Variants in PIEZO1 observed in about 807,000 individuals in gnomAD.
PIEZO1 encodes piezo type mechanosensitive ion channel component 1 (Er blood group).
In PIEZO1, 296 loss-of-function variants were observed where a neutral mutation model predicts 297.2. The observed-to-expected ratio is 1.00, with a 90% confidence interval of 0.91 to 1.10. The LOEUF (loss-of-function observed/expected upper bound fraction) is 1.10, where lower values mean the gene tolerates loss of function less well. Among genes scored for constraint, PIEZO1 ranks in the 50% least tolerant of loss-of-function variants. The probability of loss-of-function intolerance (pLI) is 0.00; values close to 1 mark genes in which losing one functional copy is unlikely to be tolerated. For synonymous variants in PIEZO1, 2,427 were observed against 1,507.5 expected (o/e 1.61, Z -14.13); for missense variants, 5,018 against 3,455.5 (o/e 1.45, Z -11.34).
At chr16:88,736,806 C>T (rs1597460440) in intron 10 of PIEZO1, 67 bp from the exon 11 acceptor site, 1 of 1,038,586 alleles carries the variant, frequency 9.6e-7, no homozygotes, top group African/African-American at 1.6e-5. Flanking sequence ...TGACTATGCC[C>T]TAAAATCTGG....
At chr16:88,784,819 C>A in intron 1 of PIEZO1, 82 bp downstream of exon 1, 1 of 1,034,762 alleles carries the variant, frequency 9.7e-7, no homozygotes, top group Non-Finnish European at 1.3e-6. Context: ...CTCGCCCCGG[C>A]CGGCGTCGTC....
rs778818035 is a variant in PIEZO1 at position 88,733,684 on chromosome 16, G to C, written c.2391C>G (p.Asp797Glu). Residue 797 changes from aspartate to glutamate, a missense_variant, in exon 18 of 51, where the codon GAC becomes GAG. Transcript: ENST00000301015. ...RLLELAAGFS[D>E]VLSRVQVFLR... ...GGAACACCTGCACGCGTGAGAGGAC[G>C]TCCGAGAAGCCGGCTGCCAGCTCCA... 6.5e-7 allele frequency: 1 copy of C among 1,549,130 alleles called. No individual in the cohort carries two copies. Among genetic ancestry groups the C allele is most frequent in the Non-Finnish European group, 8.7e-7 (1 of 1,146,422 alleles).
At position 88,715,960 on chromosome 16, in the gene PIEZO1, G is replaced by A. The variant is rs869025601; in HGVS notation, c.7289C>T (p.Pro2430Leu). ...GTAGCCAGCCAGGAAGCCGAGGCTC[G>A]GTGGGCTGACCTTGTCACTGAAAAT... The part of the protein sequence containing the change: ...MVIFSDKVSP[P>L]SLGFLAGYGI... Residue 2430 changes from proline to leucine, a missense_variant, in exon 50 of 51, where the codon CCG (proline) becomes CTG (leucine). By Grantham distance (98) the Pro-to-Leu change is moderately conservative (BLOSUM62 -3). Transcript: ENST00000301015. The A allele has an allele frequency of 5.8e-6, 9 of 1,549,732 alleles. No individual in the cohort carries two copies. Among genetic ancestry groups the A allele is most frequent in the South Asian group, 2.4e-5 (2 of 84,042 alleles).
intron 1 of PIEZO1, among the ~76,000 whole-genome samples, chr16:88,752,836 G>A (rs545218548): frequency 2.0e-5 from 3 of 152,206 alleles, no homozygotes; most frequent in African/African-American, 7.2e-5. Flanking sequence ...GCCCTGGGGT[G>A]ATCAGCAACA....
intron 22 of PIEZO1, among the ~76,000 whole-genome samples, chr16:88,729,768 G>A (rs1904677527): frequency 7.0e-6 from 1 of 143,724 alleles, no homozygotes; most frequent in South Asian, 2.4e-4. Flanking sequence ...CCTCGATGCT[G>A]GGGAACCCAG....
chr16:88,717,388 A>G, intron 44 of PIEZO1, 177 bp from the exon 45 acceptor site: 3 of 659,282 alleles, frequency 4.6e-6, no homozygotes, highest in Non-Finnish European at 8.2e-6. Flanking sequence ...GTCCAGTTGG[A>G]ACCCTCATGT....
At chr16:88,760,026 A>G (rs1597479207) in intron 1 of PIEZO1, among the ~76,000 whole-genome samples, 1 of 152,130 alleles carries the variant, frequency 6.6e-6, no homozygotes, top group African/African-American at 2.4e-5. Flanking sequence ...CTCCGCGCCA[A>G]TCCCCACCTG....
chr16:88,758,968 C>G (rs1906799740), intron 1 of PIEZO1, among the ~76,000 whole-genome samples: 1 of 152,132 alleles, frequency 6.6e-6, no homozygotes, highest in Non-Finnish European at 1.5e-5. Context: ...GACAAAAAGG[C>G]TGAGGAAGAT....
At chr16:88,768,141 C>A (rs1907258109) in intron 1 of PIEZO1, among the ~76,000 whole-genome samples, 1 of 152,194 alleles carries the variant, frequency 6.6e-6, no homozygotes, top group Non-Finnish European at 1.5e-5. Context: ...GCCCAGCCAA[C>A]CTCACGGGCC....
In PIEZO1 at chr16:88,734,373, G is replaced by A. The variant is rs1038568051; in HGVS notation, c.2163C>T (p.Leu721=). The change falls in exon 16 of 51, where the codon CTC becomes CTT. Residue 721 remains leucine (L), a synonymous_variant. Transcript: ENST00000301015. ...MEHVSLPGTR[L]PRWAHRQDAV... is the part of the protein sequence containing the mutation. ...GGCCGCACCTGTGAGCCCAGCGCGG[G>A]AGGCGCGTGCCAGGCAGGGACACGT... 5.2e-6 allele frequency: 8 copies of A among 1,541,298 alleles called. No individual in the cohort carries two copies. The highest frequency in any genetic ancestry group is 1.4e-5 in the African/African-American group (1 of 72,942).
chr16:88,775,467 G>A lies in PIEZO1; in HGVS notation c.64+9434C>T, dbSNP rs961862894. On this transcript the variant is annotated intron_variant, in intron 1 of 50. Transcript: ENST00000301015. ...GCGGGGGCCCGGCGCAGTGGCTCAC[G>A]CCTGTAATCCCAGCACTTTGGGAGG... Among the ~76,000 whole-genome samples the A allele has an allele frequency of 2.6e-5, 4 of 152,192 alleles. No individual in the cohort carries two copies. In the East Asian group the frequency reaches 5.8e-4, roughly 22 times the overall value.
chr16:88,758,480 G>A (rs1906777328), intron 1 of PIEZO1, among the ~76,000 whole-genome samples: 1 of 152,228 alleles, frequency 6.6e-6, no homozygotes, highest in Admixed American at 6.5e-5. Flanking sequence ...GTGGCTCATA[G>A]CAGCTCATGC....
intron 41 of PIEZO1, 29 bp downstream of exon 41, chr16:88,720,356 A>G (rs1357113128): frequency 3.2e-6 from 5 of 1,550,206 alleles, no homozygotes; most frequent in South Asian, 1.2e-5. Flanking sequence ...CTCTGCGTAC[A>G]CTGGGTTTGG....
intron 1 of PIEZO1, among the ~76,000 whole-genome samples, chr16:88,780,504 C>T (rs1907881823): frequency 6.6e-6 from 1 of 152,196 alleles, no homozygotes; most frequent in Admixed American, 6.5e-5. Context: ...CAGAAGAACA[C>T]AGGACCCACA....
chr16:88,734,433 G>T lies in PIEZO1; in HGVS notation c.2103C>A (p.Phe701Leu). Reference sequence around the variant, plus strand: ...CGGTGAGCTGCATGAAGGGCCTGTGGAAGTAGTGCAGCTGCAGGATGCAGG... The same window carrying T: ...CGGTGAGCTGCATGAAGGGCCTGTGTAAGTAGTGCAGCTGCAGGATGCAGG... ...LLACILQLHYFHRPFMQLTDM... is the reference protein window; with the variant it reads ...LLACILQLHYLHRPFMQLTDM... The change falls in exon 16 of 51, where the codon TTC becomes TTA. Residue 701 changes from phenylalanine to leucine, a missense_variant. Physicochemically the swap from Phe to Leu is conservative, Grantham distance 22 (BLOSUM62 0). Transcript: ENST00000301015. The T allele has an allele frequency of 6.5e-7, 1 of 1,550,034 alleles. No homozygotes were observed. The highest frequency in any genetic ancestry group is 8.7e-7 in the Non-Finnish European group (1 of 1,146,748).
Position 88,721,242 on chromosome 16 carries a change from A to T in PIEZO1, c.5592T>A (p.Arg1864=). Residue 1864 remains arginine, a synonymous_variant, in exon 39 of 51, where the codon CGT becomes CGA. Coordinates refer to ENST00000301015, the MANE Select transcript of PIEZO1 (RefSeq NM_001142864.4). ...TPEPQVELRP[R]DTRRISLRFR... ...AACGTAGACTGATGCGCCTCGTATC[A>T]CGGGGCCTGAGCTCCACTTGGGGTT... The T allele has an allele frequency of 6.5e-7, 1 of 1,541,506 alleles. No individual in the cohort carries two copies. The highest frequency in any genetic ancestry group is 8.7e-7 in the Non-Finnish European group (1 of 1,146,090).
intron 1 of PIEZO1, among the ~76,000 whole-genome samples, chr16:88,753,660 C>T (rs987600617): frequency 6.6e-6 from 1 of 152,174 alleles, no homozygotes; most frequent in Non-Finnish European, 1.5e-5. Flanking sequence ...GCATCCCGGC[C>T]GCAGGGCCAC....
At chr16:88,752,096 C>T (rs145490873) in intron 1 of PIEZO1, among the ~76,000 whole-genome samples, 6 of 152,270 alleles carry the variant, frequency 3.9e-5, no homozygotes, top group African/African-American at 1.4e-4. Context: ...TTTGGGAAAA[C>T]GAAGAAGTTC....
chr16:88,738,045 G>T lies in PIEZO1; in HGVS notation c.909C>A (p.Val303=). 1 of 1,535,760 alleles carries T rather than the reference G, an allele frequency of 6.5e-7. No homozygotes were observed. Among genetic ancestry groups the T allele is most frequent in the Non-Finnish European group, 8.7e-7 (1 of 1,146,782 alleles). The change falls in exon 8 of 51, where the codon GTC becomes GTA. Residue 303 remains valine (V), a synonymous_variant. Coordinates refer to ENST00000301015, the MANE Select transcript of PIEZO1 (RefSeq NM_001142864.4). ...CAGGCCAGTCCAGGCCGGTGTTGAG[G>T]ACCAGCGCGTGGGGGCTGGAGCAGT... ...PTNCSSPHAL[V]LNTGLDWPVY... is the part of the protein sequence containing the mutation.
Sources: allele counts gnomAD v4.1 joint callset (sites outside exome capture counted in the v4.1 genomes callset), GRCh38; gene constraint gnomAD v4.1.1; transcripts MANE v1.5; gene names NCBI Gene and HGNC (gene_info 2026-07-23, HGNC 2026-07-21).